DPP4: variants seen among roughly 807,000 people sequenced by gnomAD.
DPP4 encodes the protein ADCP-2.
In DPP4, 93 loss-of-function variants were observed where a neutral mutation model predicts 122.4. That is an observed-to-expected ratio of 0.76 (90% CI 0.64 to 0.90). The LOEUF (loss-of-function observed/expected upper bound fraction) is 0.90. Among genes scored for constraint, DPP4 ranks in the 40% least tolerant of loss-of-function variants. DPP4 has a pLI of 0.00. For synonymous variants in DPP4, 321 were observed against 302.9 expected, an observed-to-expected ratio of 1.06 and a Z score of -0.62; for missense variants, 914 against 907.3, an observed-to-expected ratio of 1.01 and a Z score of -0.09.
chr2:162,051,752 G>A (rs1255481688), intron 2 of DPP4, among the ~76,000 whole-genome samples: 3 of 152,206 alleles, frequency 2.0e-5, no homozygotes, highest in Non-Finnish European at 4.4e-5. Flanking sequence ...TTCATCCTGT[G>A]GCTATATTCT....
intron 23 of DPP4, among the ~76,000 whole-genome samples, chr2:162,003,729 G>A (rs575314955): frequency 6.6e-6 from 1 of 152,206 alleles, no homozygotes; most frequent in South Asian, 2.1e-4. Flanking sequence ...AAATGAAAAC[G>A]GTGATGGAGA....
chr2:161,996,672 G>A (rs1220088267), intron 23 of DPP4, among the ~76,000 whole-genome samples: 1 of 152,122 alleles, frequency 6.6e-6, no homozygotes, highest in Non-Finnish European at 1.5e-5. Flanking sequence ...AGTACAATAA[G>A]ATATTTTGAG....
intron 2 of DPP4, among the ~76,000 whole-genome samples, chr2:162,067,891 T>C (rs575316079): frequency 6.6e-6 from 1 of 152,314 alleles, no homozygotes; most frequent in East Asian, 1.9e-4. Context: ...TAGCCATTCA[T>C]GGGAACCAGC....
chr2:162,024,581 C>T (rs536341291), intron 11 of DPP4, among the ~76,000 whole-genome samples: 57 of 152,184 alleles, frequency 3.7e-4, no homozygotes, highest in Non-Finnish European at 7.1e-4. Flanking sequence ...GTATCCATAA[C>T]TAAAACAGTA....
chr2:162,013,748 A>G (rs1438731098), intron 19 of DPP4, among the ~76,000 whole-genome samples: 1 of 152,186 alleles, frequency 6.6e-6, no homozygotes. Context: ...AGAGCCTGAC[A>G]TTATGGCATC....
chr2:162,030,134 G>A (rs981296141), intron 10 of DPP4, among the ~76,000 whole-genome samples: 14 of 152,188 alleles, frequency 9.2e-5, no homozygotes, highest in African/African-American at 2.9e-4. Flanking sequence ...ATAAAAGTTA[G>A]GAGATTTATG....
At chr2:162,049,649 T>A (rs1051458954) in intron 2 of DPP4, among the ~76,000 whole-genome samples, 1 of 151,930 alleles carries the variant, frequency 6.6e-6, no homozygotes, top group African/African-American at 2.4e-5. Flanking sequence ...AAAATAAAAG[T>A]TGAAAGAAAA....
chr2:162,047,438 TA>T lies in DPP4; in HGVS notation c.157del (p.Tyr53IlefsTer3). The T allele has an allele frequency of 6.3e-7, 1 of 1,584,338 alleles. No homozygotes were observed. The highest frequency in any genetic ancestry group is 8.6e-7 in the Non-Finnish European group (1 of 1,159,662). On this transcript the variant is annotated frameshift_variant, in exon 3 of 26. Coordinates refer to ENST00000360534, the MANE Select transcript of DPP4 (RefSeq NM_001935.4). LOFTEE classifies it high-confidence loss of function. The stretch of plus-strand genomic sequence containing the variant: ...TCTTAAGGAGTATAACTTCAGTCTA[TA>T]AGTATTTTTTAAGTAATCAGTTAGA... ...YTLTDYLKNT[Y>X]RLKLYSLRWI...
intron 2 of DPP4, among the ~76,000 whole-genome samples, chr2:162,055,671 CAAAA>C (rs372057652): frequency 8.8e-6 from 1 of 113,718 alleles, no homozygotes; most frequent in African/African-American, 3.3e-5. Flanking sequence ...AACTCTGTCT[CAAAA>C]AAAAAAAAAA....
chr2:162,018,554 G>A (rs1365725475), intron 16 of DPP4, among the ~76,000 whole-genome samples, 175 bp downstream of exon 16: 4 of 152,238 alleles, frequency 2.6e-5, no homozygotes, highest in Admixed American at 2.6e-4. Context: ...AGCTATGCAA[G>A]TCTCTCAGTG....
chr2:162,014,994 G>C (rs945776945), intron 18 of DPP4, among the ~76,000 whole-genome samples: 3 of 152,140 alleles, frequency 2.0e-5, no homozygotes, highest in Non-Finnish European at 2.9e-5. Context: ...GAATGAGATC[G>C]GGTTTATATG....
At position 162,069,296 on chromosome 2, in the gene DPP4, T is replaced by C. The variant is rs915720076; in HGVS notation, c.94+4103A>G. Among the ~76,000 whole-genome samples the C allele has an allele frequency of 3.9e-5, 6 of 152,218 alleles. No homozygotes were observed. In the South Asian group the frequency reaches 1.2e-3, roughly 31 times the overall value. On this transcript the variant is annotated intron_variant, in intron 2 of 25. Transcript: ENST00000360534. ...AGTAAATGCATATTGGCTATTATTG[T>C]AGCTTGCATGCCTTCTCTTCCTCAA...
chr2:162,046,360 T>A (rs928672858), intron 4 of DPP4, among the ~76,000 whole-genome samples: 1 of 152,142 alleles, frequency 6.6e-6, no homozygotes, highest in Non-Finnish European at 1.5e-5. Flanking sequence ...CAATGATGAT[T>A]CTGAGGTTTC....
At position 162,073,486 on chromosome 2, in the gene DPP4, T is replaced by C; in HGVS notation, c.7A>G (p.Thr3Ala). Residue 3 changes from threonine to alanine, a missense_variant and splice_region_variant, in exon 2 of 26, where the codon ACA becomes GCA. Physicochemically the swap from Thr to Ala is moderately conservative, Grantham distance 58 (BLOSUM62 0). Transcript: ENST00000360534. MK[T>A]PWKVLLGLLG... ...AGTCCCAGAAGAACCTTCCACGGTGTCTGCAAGCCGAGCAGATCAAGTCCA... is the reference window on the plus strand; with the variant it reads ...AGTCCCAGAAGAACCTTCCACGGTGCCTGCAAGCCGAGCAGATCAAGTCCA... 2 of 1,613,788 alleles carry C rather than the reference T, an allele frequency of 1.2e-6. No individual in the cohort carries two copies. The highest frequency in any genetic ancestry group is 2.2e-5 in the South Asian group (2 of 91,052).
At chr2:161,999,039 T>G (rs1411986233) in intron 23 of DPP4, among the ~76,000 whole-genome samples, 1 of 152,092 alleles carries the variant, frequency 6.6e-6, no homozygotes, top group Non-Finnish European at 1.5e-5. Flanking sequence ...GACCTCTCTG[T>G]GAGAGGGAGA....
intron 2 of DPP4, among the ~76,000 whole-genome samples, chr2:162,070,072 T>C (rs953983208): frequency 6.6e-6 from 1 of 152,236 alleles, no homozygotes; most frequent in Admixed American, 6.5e-5. Context: ...CACTAAGCCA[T>C]GAAGAGTTCT....
intron 5 of DPP4, among the ~76,000 whole-genome samples, chr2:162,041,005 CA>C (rs1189680899): frequency 6.6e-6 from 1 of 151,600 alleles, no homozygotes; most frequent in Non-Finnish European, 1.5e-5. Context: ...ATGCAATTTA[CA>C]AAAAACTATA....
chr2:162,008,743 A>G (rs1701347100), intron 21 of DPP4, 82 bp from the exon 22 acceptor site: 2 of 1,210,924 alleles, frequency 1.7e-6, no homozygotes, highest in African/African-American at 3.0e-5. Flanking sequence ...CACATTTCTC[A>G]CATCTTTATA....
intron 12 of DPP4, among the ~76,000 whole-genome samples, chr2:162,021,748 T>C (rs1330707621): frequency 6.6e-6 from 1 of 152,236 alleles, no homozygotes; most frequent in Non-Finnish European, 1.5e-5. Context: ...TAGAAATGTG[T>C]GAAAAGTGGC....
Sources: allele counts gnomAD v4.1 joint callset (sites outside exome capture counted in the v4.1 genomes callset), GRCh38; gene constraint gnomAD v4.1.1; transcripts MANE v1.5; gene names NCBI Gene and HGNC (gene_info 2026-07-23, HGNC 2026-07-21).